Variants in FRRS1 observed in about 807,000 individuals in gnomAD.
The protein encoded by FRRS1 is ferric reductase 1.
A neutral mutation model predicts 70.7 loss-of-function variants in FRRS1; 51 were observed. The observed-to-expected ratio is 0.72, with a 90% CI of 0.58 to 0.91. The LOEUF (loss-of-function observed/expected upper bound fraction) is 0.91, where lower values mean the gene tolerates loss of function less well. FRRS1 is among the 40% of genes least tolerant of loss of function. The pLI is 0.00. For missense variants in FRRS1, 672 were observed against 726.0 expected (o/e 0.93, Z 0.86); for synonymous variants, 225 against 238.7 (o/e 0.94, Z 0.53).
intron 10 of FRRS1, among the ~76,000 whole-genome samples, chr1:99,719,192 C>T (rs565561582): frequency 2.6e-5 from 4 of 152,018 alleles, no homozygotes; most frequent in South Asian, 4.2e-4. Flanking sequence ...GGGCAGATCA[C>T]GAGGTCAGGA....
intron 1 of FRRS1, among the ~76,000 whole-genome samples, chr1:99,759,454 A>T (rs1657013583): frequency 6.6e-6 from 1 of 152,212 alleles, no homozygotes; most frequent in Non-Finnish European, 1.5e-5. Context: ...CATTTCATCT[A>T]GGATTTGGGG....
At chr1:99,713,471 A>G (rs1440732266) in intron 12 of FRRS1, among the ~76,000 whole-genome samples, 4 of 152,234 alleles carry the variant, frequency 2.6e-5, no homozygotes, top group Non-Finnish European at 5.9e-5. Context: ...AGATAGGTTG[A>G]CTGACCCATA....
intron 12 of FRRS1, among the ~76,000 whole-genome samples, chr1:99,713,463 A>G (rs1654372434): frequency 6.6e-6 from 1 of 152,234 alleles, no homozygotes; most frequent in African/African-American, 2.4e-5. Flanking sequence ...CCTTAAAAAG[A>G]TAGGTTGACT....
chr1:99,747,136 C>A (rs1656313947), intron 4 of FRRS1, among the ~76,000 whole-genome samples, 158 bp downstream of exon 4: 1 of 152,048 alleles, frequency 6.6e-6, no homozygotes, highest in Non-Finnish European at 1.5e-5. Context: ...ATGTGTTAAT[C>A]AACTATTTGT....
In FRRS1 at chr1:99,712,492, G is replaced by GC; in HGVS notation, c.1346_1347insG (p.Gly450ArgfsTer23). 1 of 1,610,510 alleles carries GC rather than the reference G, an allele frequency of 6.2e-7. No homozygotes were observed. The highest frequency in any genetic ancestry group is 1.1e-5 in the South Asian group (1 of 90,226). On this transcript the variant is annotated frameshift_variant, in exon 13 of 17. Coordinates refer to ENST00000646001, the MANE Select transcript of FRRS1 (RefSeq NM_001361041.2). LOFTEE classifies it high-confidence loss of function. ...CTGCCAAAGTCATCACTATACAGCC[G>GC]AGGTATGGGTGGTAACCTGCATGCT...
rs1276707761 is a variant in FRRS1, at chr1:99,708,617, AAAAAAAAAATATATATATATATATATAT to A, written c.*383_*410del. ...TGTCTCAAAAAAAAAAAAAAAAAAA[AAAAAAAAAATATATATATATATATATAT>A]ATATATATATATATATATCGTAATA... On this transcript the variant is annotated 3_prime_UTR_variant, in exon 17 of 17. Transcript: ENST00000646001. 3.2e-5 allele frequency: 3 copies of A among 93,750 alleles called. No homozygotes were observed. Among genetic ancestry groups the A allele is most frequent in the African/African-American group, 1.4e-4 (3 of 20,770 alleles). 5.8% of individuals were successfully genotyped at this position (93,750 alleles called of 1,614,324 possible). A position where few individuals can be genotyped will look rare whatever the true frequency, so the allele number is the denominator to read the frequency against.
At chr1:99,711,961 G>T in intron 14 of FRRS1, 144 bp downstream of exon 14, 1 of 602,034 alleles carries the variant, frequency 1.7e-6, no homozygotes. Context: ...TTACTTTCTG[G>T]ATTTCAACGT....
chr1:99,712,411 T>C lies in FRRS1; in HGVS notation c.1421+7A>G. The C allele has an allele frequency of 6.4e-7, 1 of 1,572,078 alleles. No individual in the cohort carries two copies. Among genetic ancestry groups the C allele is most frequent in the South Asian group, 1.1e-5 (1 of 87,374 alleles). On this transcript the variant is annotated splice_region_variant and intron_variant, in intron 13 of 16. Coordinates refer to ENST00000646001, the MANE Select transcript of FRRS1 (RefSeq NM_001361041.2). ...AGAGAGCATTTATATAGAAAGGCTC[T>C]AAGTACCTTGGGTCATGTAAAGGTG...
chr1:99,713,000 G>A (rs538066758), intron 12 of FRRS1, among the ~76,000 whole-genome samples: 162 of 152,302 alleles, frequency 1.1e-3, no homozygotes, highest in South Asian at 2.5e-3. Context: ...GCCCAGCTGG[G>A]ACTCAGTTAT....
intron 1 of FRRS1, among the ~76,000 whole-genome samples, chr1:99,756,742 T>A (rs1656854574): frequency 6.6e-6 from 1 of 152,128 alleles, no homozygotes; most frequent in Non-Finnish European, 1.5e-5. Context: ...AGGAAAACAA[T>A]CTTTTTAAAC....
rs760068225 is a variant in FRRS1, at chr1:99,728,496, CATT to C, written c.1000_1002del (p.Asn334del). 1 of 1,608,534 alleles carries C rather than the reference CATT, an allele frequency of 6.2e-7. No homozygotes were observed. The highest frequency in any genetic ancestry group is 8.5e-7 in the Non-Finnish European group (1 of 1,175,838). On this transcript the variant is annotated inframe_deletion, in exon 9 of 17. Coordinates refer to ENST00000646001, the MANE Select transcript of FRRS1 (RefSeq NM_001361041.2). ...GACAGCTTAACAATATACTTACCAT[CATT>C]AGCTGCACCATCTGCTAGAAATATG...
Position 99,736,834 on chromosome 1 carries a change from A to T in FRRS1, c.759+1252T>A, listed in dbSNP as rs980466704. ...AATAAAAAAAAGAATTAGGACAATTAAAAAAAAAAAAGAAAGTTAGTTACA... is the reference window on the plus strand; with the variant it reads ...AATAAAAAAAAGAATTAGGACAATTTAAAAAAAAAAAGAAAGTTAGTTACA... On this transcript the variant is annotated intron_variant, in intron 7 of 16. Coordinates refer to ENST00000646001, the MANE Select transcript of FRRS1 (RefSeq NM_001361041.2). Among the ~76,000 whole-genome samples the T allele has an allele frequency of 1.1e-4, 9 of 82,330 alleles. No individual in the cohort carries two copies. In the African/African-American group the frequency reaches 1.9e-3, roughly 18 times the overall value. The allele number at this position is 82,330 out of a possible 152,430, so 54.0% of individuals were successfully genotyped here.
chr1:99,740,653 G>A (rs1655909656), intron 6 of FRRS1, 140 bp downstream of exon 6: 4 of 649,116 alleles, frequency 6.2e-6, no homozygotes, highest in Non-Finnish European at 1.1e-5. Flanking sequence ...TACTAAAGCT[G>A]GGCACAGTGG....
chr1:99,757,950 G>A (rs75919338), intron 1 of FRRS1, among the ~76,000 whole-genome samples: 18 of 76,888 alleles, frequency 2.3e-4, no homozygotes, highest in African/African-American at 8.4e-4. Context: ...TGCCTGGGAG[G>A]AAAAAAAAAA....
In FRRS1 at chr1:99,712,535, T is replaced by TTAAATTGATGAGAGAGATTGAGGCCA; in HGVS notation, c.1324-21_1324-20insTGGCCTCAATCTCTCTCATCAATTTA. 1 of 1,372,278 alleles carries TTAAATTGATGAGAGAGATTGAGGCCA rather than the reference T, an allele frequency of 7.3e-7. No homozygotes were observed. Among genetic ancestry groups the TTAAATTGATGAGAGAGATTGAGGCCA allele is most frequent in the Non-Finnish European group, 1.0e-6 (1 of 975,026 alleles). The allele number at this position is 1,372,278 out of a possible 1,614,324, so 85.0% of individuals were successfully genotyped here. A position where few individuals can be genotyped will look rare whatever the true frequency, so the allele number is the denominator to read the frequency against. On this transcript the variant is annotated intron_variant, in intron 12 of 16. Coordinates refer to ENST00000646001, the MANE Select transcript of FRRS1 (RefSeq NM_001361041.2). Reference sequence around the variant, plus strand: ...TGCATGCTAAACAAAGTTACATCATTTTAATGGCCTCAATCTCTCTCATCA... The same window carrying TTAAATTGATGAGAGAGATTGAGGCCA: ...TGCATGCTAAACAAAGTTACATCATTTAAATTGATGAGAGAGATTGAGGCCATTAATGGCCTCAATCTCTCTCATCA...
chr1:99,704,564 C>T lies in FRRS1; in HGVS notation c.*4464G>A, dbSNP rs776066433. Reference sequence around the variant, plus strand: ...GTCTAAGTGAGGACAGGCACCCCTGCCTTCAGCGCCCAAATGTTGCATTTC... The same window carrying T: ...GTCTAAGTGAGGACAGGCACCCCTGTCTTCAGCGCCCAAATGTTGCATTTC... On this transcript the variant is annotated 3_prime_UTR_variant, in exon 17 of 17. Coordinates refer to ENST00000646001, the MANE Select transcript of FRRS1 (RefSeq NM_001361041.2). Among the ~76,000 whole-genome samples, 1 of 152,172 alleles carries T rather than the reference C, an allele frequency of 6.6e-6. No individual in the cohort carries two copies. Among genetic ancestry groups the T allele is most frequent in the African/African-American group, 2.4e-5 (1 of 41,444 alleles).
intron 10 of FRRS1, among the ~76,000 whole-genome samples, chr1:99,718,930 T>C (rs1381291177): frequency 6.6e-6 from 1 of 152,188 alleles, no homozygotes; most frequent in Non-Finnish European, 1.5e-5. Context: ...GGATAGTTTT[T>C]CAAAATTATA....
intron 1 of FRRS1, among the ~76,000 whole-genome samples, chr1:99,762,812 C>A (rs538150968): frequency 2.6e-5 from 4 of 152,274 alleles, no homozygotes; most frequent in African/African-American, 7.2e-5. Flanking sequence ...AACTTCCACA[C>A]AAGCTCTGCA....
chr1:99,715,317 CTA>C (rs1245738147), intron 12 of FRRS1, among the ~76,000 whole-genome samples: 41 of 152,142 alleles, frequency 2.7e-4, no homozygotes, highest in Admixed American at 2.7e-3. Context: ...TGTCACCACT[CTA>C]TAGTGAGAAA....
Sources: allele counts gnomAD v4.1 joint callset (sites outside exome capture counted in the v4.1 genomes callset), GRCh38; gene constraint gnomAD v4.1.1; transcripts MANE v1.5; gene names NCBI Gene and HGNC (gene_info 2026-07-23, HGNC 2026-07-21).